The following PCLAF variants were observed in gnomAD, a reference collection of about 807,000 sequenced individuals.
The protein encoded by PCLAF is PCNA-associated factor.
A neutral mutation model predicts 15.1 loss-of-function variants in PCLAF; 12 were observed. The observed-to-expected ratio is 0.79, with a 90% CI of 0.51 to 1.29. The LOEUF (loss-of-function observed/expected upper bound fraction) is 1.29. PCLAF is among the 50% of genes most tolerant of loss of function. The pLI, the probability that PCLAF is intolerant of heterozygous loss-of-function variation, is 0.00. For synonymous variants in PCLAF, 33 were observed against 47.1 expected (o/e 0.70, Z 1.22); for missense variants, 116 against 130.9 (o/e 0.89, Z 0.56).
intron 1 of PCLAF, 85 bp from the exon 2 acceptor site, chr15:64,381,123 G>T: frequency 7.4e-7 from 1 of 1,356,720 alleles, no homozygotes; most frequent in Non-Finnish European, 1.0e-6. Context: ...TTGGAGAGGA[G>T]AGCCTGGCGA....
intron 3 of PCLAF, 134 bp downstream of exon 3, chr15:64,376,609 G>A (rs1389051056): frequency 3.2e-6 from 2 of 622,288 alleles, no homozygotes; most frequent in Non-Finnish European, 2.8e-6. Flanking sequence ...AGTAGAGACA[G>A]GGTTCCACCA....
exon 1 of PCLAF, chr15:64,387,641 A>G (rs1376319448): frequency 7.1e-7 from 1 of 1,414,082 alleles, no homozygotes; most frequent in East Asian, 2.7e-5. Context: ...GGCAAGAATC[A>G]TGCACTGACA....
intron 3 of PCLAF, among the ~76,000 whole-genome samples, chr15:64,370,696 T>C (rs1315556741): frequency 6.6e-6 from 1 of 151,858 alleles, no homozygotes; most frequent in Non-Finnish European, 1.5e-5. Context: ...AAAAGGCTTC[T>C]ATACATCAAG....
intron 1 of PCLAF, 40 bp downstream of exon 1, chr15:64,381,286 G>A: frequency 6.2e-7 from 1 of 1,611,506 alleles, no homozygotes; most frequent in Non-Finnish European, 8.5e-7. Flanking sequence ...GCTGCCGGGA[G>A]GACCCCCCCG....
At chr15:64,378,148 G>A (rs1257713260) in intron 2 of PCLAF, among the ~76,000 whole-genome samples, 5 of 151,974 alleles carry the variant, frequency 3.3e-5, no homozygotes, top group African/African-American at 9.7e-5. Flanking sequence ...GGATGGTCTC[G>A]ATCTCCTGAC....
upstream of PCLAF, chr15:64,382,481 A>AAAGGC (rs982713999): frequency 3.2e-5 from 5 of 158,314 alleles, no homozygotes; most frequent in Non-Finnish European, 5.6e-5. Flanking sequence ...AAAAGAAAAG[A>AAAGGC]AAGGCAAGGC....
In PCLAF at chr15:64,369,363, T is replaced by TA. The variant is rs72110519; in HGVS notation, c.291-3289dup. 3.4e-3 allele frequency among the ~76,000 whole-genome samples: 325 copies of TA among 94,676 alleles called. 2 individuals carry two copies. Among genetic ancestry groups the TA allele is most frequent in the African/African-American group, 0.012 (291 of 24,478 alleles). The allele number at this position is 94,676 out of a possible 152,430, so 62.1% of individuals were successfully genotyped here. A position where few individuals can be genotyped will look rare whatever the true frequency, so the allele number is the denominator to read the frequency against. ...GTAACAGAGCAAAATCCTGTCTCTT[T>TA]AAAAAAAAAAAAAAAAAAAAAAAAA... is the stretch of plus-strand genomic sequence containing the variant. On this transcript the variant is annotated intron_variant, in intron 3 of 3. Coordinates refer to ENST00000300035, the MANE Select transcript of PCLAF (RefSeq NM_014736.6).
upstream of PCLAF, chr15:64,382,777 C>G (rs753344560): frequency 9.4e-6 from 2 of 211,710 alleles, no homozygotes; most frequent in African/African-American, 2.4e-5. Context: ...GAGTTCGAGA[C>G]CAGCGTGGGC....
chr15:64,373,636 C>T (rs1899450416), intron 3 of PCLAF: 6 of 1,518,964 alleles, frequency 4.0e-6, no homozygotes, highest in Non-Finnish European at 5.3e-6. Flanking sequence ...AAGAAACCTG[C>T]ACGGGTAGGA....
intron 3 of PCLAF, among the ~76,000 whole-genome samples, chr15:64,367,525 C>A (rs1323738908): frequency 1.3e-5 from 2 of 150,142 alleles, no homozygotes; most frequent in East Asian, 2.0e-4. Flanking sequence ...AAAAAAAAAA[C>A]AAAAAACAAA....
chr15:64,384,747 A>C, upstream of PCLAF, among the ~76,000 whole-genome samples: 1 of 151,806 alleles, frequency 6.6e-6, no homozygotes, highest in East Asian at 1.9e-4. Flanking sequence ...CTAAAAAAAA[A>C]AAAAAAAGAA....
chr15:64,378,419 T>C (rs1899702668), intron 2 of PCLAF, among the ~76,000 whole-genome samples: 2 of 152,214 alleles, frequency 1.3e-5, no homozygotes, highest in Admixed American at 1.3e-4. Context: ...TCTGAAGTTA[T>C]ATTGTTTCTA....
Position 64,366,011 on chromosome 15 carries a change from A to G in PCLAF, c.*19T>C, listed in dbSNP as rs1158048885. The G allele has an allele frequency of 1.1e-5, 18 of 1,592,524 alleles. No individual in the cohort carries two copies. The East Asian group carries it at 4.0e-4, about 36-fold the overall frequency. ...CAGGGTAAACAAGGAGACGTTATTC[A>G]AAGATGAATGAGAAAGTTCTATTCT... On this transcript the variant is annotated 3_prime_UTR_variant, in exon 4 of 4. Transcript: ENST00000300035.
intron 3 of PCLAF, among the ~76,000 whole-genome samples, chr15:64,372,482 C>T (rs867857841): frequency 3.3e-5 from 5 of 151,792 alleles, no homozygotes; most frequent in South Asian, 2.1e-4. Context: ...GGCGTGGCGG[C>T]GTGCGCCTGT....
chr15:64,371,129 C>T (rs1341448978), intron 3 of PCLAF, among the ~76,000 whole-genome samples: 2 of 151,726 alleles, frequency 1.3e-5, no homozygotes, highest in Non-Finnish European at 2.9e-5. Flanking sequence ...CCACCATCCC[C>T]GGCTAATTTT....
At chr15:64,383,915 C>T (rs188782509), upstream of PCLAF, among the ~76,000 whole-genome samples, 18 of 151,164 alleles carry the variant, frequency 1.2e-4, no homozygotes, top group East Asian at 3.1e-3. Context: ...TTAACACCAA[C>T]GATGATAATG....
chr15:64,387,574 C>CA, exon 1 of PCLAF: 1 of 1,367,330 alleles, frequency 7.3e-7, no homozygotes, highest in Non-Finnish European at 9.5e-7. Context: ...TAGGCACTTG[C>CA]ACTGTCTTCT....
intron 3 of PCLAF, 29 bp downstream of exon 3, chr15:64,376,714 T>C: frequency 1.3e-6 from 2 of 1,580,478 alleles, no homozygotes; most frequent in Non-Finnish European, 1.7e-6. Context: ...ATAAATATTT[T>C]CTTTATATTC....
chr15:64,379,868 G>C (rs748503614), intron 2 of PCLAF, among the ~76,000 whole-genome samples: 1 of 152,068 alleles, frequency 6.6e-6, no homozygotes, highest in Non-Finnish European at 1.5e-5. Context: ...GAGCTGCAAA[G>C]TTGGAGAAAA....
Sources: gnomAD v4.1 joint callset for allele counts (sites outside exome capture counted in the v4.1 genomes callset) on GRCh38, gnomAD v4.1.1 for gene constraint, MANE v1.5 for transcripts, NCBI Gene and HGNC (gene_info 2026-07-23, HGNC 2026-07-21) for gene names.